The following GLIS1 variants were observed in gnomAD, a reference collection of about 807,000 sequenced individuals.
GLIS1 encodes GLIS family zinc finger 1.
In GLIS1, 24 loss-of-function variants were observed where a neutral mutation model predicts 63.8. That is an observed-to-expected ratio of 0.38 (90% CI 0.27 to 0.53). GLIS1 has a LOEUF of 0.53. GLIS1 is among the 20% of genes least tolerant of loss of function. The pLI, the probability that GLIS1 is intolerant of heterozygous loss-of-function variation, is 0.85. For missense variants in GLIS1, 1,036 were observed against 1,074.1 expected, an observed-to-expected ratio of 0.96 and a Z score of 0.50; for synonymous variants, 450 against 482.5, an observed-to-expected ratio of 0.93 and a Z score of 0.88.
At chr1:53,524,680 G>C (rs943544060) in intron 6 of GLIS1, 97 bp downstream of exon 6, 41 of 808,584 alleles carry the variant, frequency 5.1e-5, no homozygotes, top group Non-Finnish European at 7.9e-5. Flanking sequence ...CAGGGCGAGT[G>C]GGTGGGCAGA....
chr1:53,616,725 AGACACCCTG>A (rs1001091372), intron 2 of GLIS1, among the ~76,000 whole-genome samples: 8 of 152,126 alleles, frequency 5.3e-5, no homozygotes, highest in Non-Finnish European at 1.0e-4. Flanking sequence ...GGGACAATGC[AGACACCCTG>A]GACACCTCAG....
intron 2 of GLIS1, among the ~76,000 whole-genome samples, chr1:53,627,954 ACT>A (rs1645613069): frequency 6.6e-6 from 1 of 152,098 alleles, no homozygotes; most frequent in Non-Finnish European, 1.5e-5. Context: ...GTGTCTCTTG[ACT>A]CTAAAGCCCT....
intron 2 of GLIS1, among the ~76,000 whole-genome samples, chr1:53,717,949 A>G (rs909884604): frequency 6.6e-6 from 1 of 152,186 alleles, no homozygotes; most frequent in African/African-American, 2.4e-5. Context: ...CATGCGAAGC[A>G]TCCACCCCAG....
chr1:53,662,322 C>T (rs965912856), intron 2 of GLIS1, among the ~76,000 whole-genome samples: 3 of 152,166 alleles, frequency 2.0e-5, no homozygotes, highest in Admixed American at 1.3e-4. Flanking sequence ...AGAGTGGGCC[C>T]CCGCAGGACC....
chr1:53,615,950 G>A (rs1557482876), intron 2 of GLIS1, among the ~76,000 whole-genome samples: 2 of 152,072 alleles, frequency 1.3e-5, no homozygotes. Flanking sequence ...GTTTCAACAT[G>A]TTGCCCAGGC....
chr1:53,692,654 G>A (rs1004398624), intron 2 of GLIS1, among the ~76,000 whole-genome samples: 1 of 152,186 alleles, frequency 6.6e-6, no homozygotes, highest in African/African-American at 2.4e-5. Context: ...GAGGGTGTGG[G>A]CTCTAGCCTG....
chr1:53,508,790 T>C (rs984837480), intron 10 of GLIS1, among the ~76,000 whole-genome samples: 2 of 152,224 alleles, frequency 1.3e-5, no homozygotes, highest in African/African-American at 4.8e-5. Flanking sequence ...TCTGCAGCTA[T>C]GCCTGGCACA....
chr1:53,738,204 T>C lies in GLIS1; in HGVS notation c.-42-98A>G, dbSNP rs919817469. On this transcript the variant is annotated intron_variant, in intron 1 of 10. Transcript: ENST00000628545. ...AGCAGGTCACTGCCCCTTCGGTGGA[T>C]TGCGCGTCTTTAACATAGGTTAGCA... 5 of 660,360 alleles carry C rather than the reference T, an allele frequency of 7.6e-6. No individual in the cohort carries two copies. The Admixed American group carries it at 1.3e-4, about 17-fold the overall frequency. 40.9% of individuals were successfully genotyped at this position (660,360 alleles called of 1,614,324 possible).
chr1:53,506,518 TG>T lies in GLIS1; in HGVS notation c.*100del. The T allele has an allele frequency of 7.8e-7, 1 of 1,276,030 alleles. No individual in the cohort carries two copies. The highest frequency in any genetic ancestry group is 1.3e-5 in the South Asian group (1 of 74,786). The allele number at this position is 1,276,030 out of a possible 1,614,324, so 79.0% of individuals were successfully genotyped here. Reference sequence around the variant, plus strand: ...GGTCATGGCCTGGCTGTTCCGGCTGTGGCCTGGCACTCCTGCTAGGTGCACG... The same window carrying T: ...GGTCATGGCCTGGCTGTTCCGGCTGTGCCTGGCACTCCTGCTAGGTGCACG... On this transcript the variant is annotated 3_prime_UTR_variant, in exon 11 of 11. Coordinates refer to ENST00000628545, the MANE Select transcript of GLIS1 (RefSeq NM_001367484.1).
chr1:53,708,247 C>T (rs950534679), intron 2 of GLIS1, among the ~76,000 whole-genome samples: 3 of 151,920 alleles, frequency 2.0e-5, no homozygotes, highest in South Asian at 4.2e-4. Flanking sequence ...CGCATCACTG[C>T]ACTCCAGCCT....
intron 2 of GLIS1, among the ~76,000 whole-genome samples, chr1:53,709,365 CATAT>C (rs10594619): frequency 1.2e-3 from 15 of 12,500 alleles, no homozygotes; most frequent in African/African-American, 1.6e-3. Context: ...TATACATATA[CATAT>C]ATATATACAT....
chr1:53,722,411 TCA>T (rs1214445323), intron 2 of GLIS1, among the ~76,000 whole-genome samples: 1 of 152,202 alleles, frequency 6.6e-6, no homozygotes, highest in East Asian at 1.9e-4. Context: ...TTGTTTGTAT[TCA>T]CATAAACTAT....
In GLIS1 at chr1:53,678,784, G is replaced by T. The variant is rs940172410; in HGVS notation, c.259+59022C>A. ...AAGAGTGAGGCCTCAGCCTGGGGAA[G>T]GGGGAAAGGTCTCTGACCTCAGTCT... is the stretch of plus-strand genomic sequence containing the variant. On this transcript the variant is annotated intron_variant, in intron 2 of 10. Coordinates refer to ENST00000628545, the MANE Select transcript of GLIS1 (RefSeq NM_001367484.1). Among the ~76,000 whole-genome samples, 6 of 152,206 alleles carry T rather than the reference G, an allele frequency of 3.9e-5. 1 individual carries two copies. The highest frequency in any genetic ancestry group is 6.5e-5 in the Admixed American group (1 of 15,286).
At chr1:53,691,620 G>A (rs987393970) in intron 2 of GLIS1, among the ~76,000 whole-genome samples, 12 of 151,972 alleles carry the variant, frequency 7.9e-5, no homozygotes. Context: ...GCCTCGCCTG[G>A]AGCTTCCACA....
intron 4 of GLIS1, among the ~76,000 whole-genome samples, chr1:53,571,768 C>T (rs1569848027): frequency 2.6e-5 from 4 of 151,740 alleles, no homozygotes; most frequent in South Asian, 4.2e-4. Flanking sequence ...TTAGTACAGA[C>T]GGGGTTTCAC....
chr1:53,576,990 G>A (rs1645038216), intron 4 of GLIS1, among the ~76,000 whole-genome samples: 5 of 151,772 alleles, frequency 3.3e-5, no homozygotes, highest in Admixed American at 2.6e-4. Flanking sequence ...TGGCTCCACT[G>A]CTCACCCCAC....
Position 53,614,188 on chromosome 1 carries a change from A to G in GLIS1, c.260-13910T>C, listed in dbSNP as rs1397796238. ...AAGTCTCTACTCTTATGCGGTTTACATTCCAATAACAGGACAGTTTCAAAA... is the reference window on the plus strand; with the variant it reads ...AAGTCTCTACTCTTATGCGGTTTACGTTCCAATAACAGGACAGTTTCAAAA... On this transcript the variant is annotated intron_variant, in intron 2 of 10. Coordinates refer to ENST00000628545, the MANE Select transcript of GLIS1 (RefSeq NM_001367484.1). Among the ~76,000 whole-genome samples the G allele has an allele frequency of 2.0e-5, 3 of 152,258 alleles. No homozygotes were observed. The East Asian group carries it at 5.8e-4, about 29-fold the overall frequency.
chr1:53,552,897 T>C (rs1331924786), intron 4 of GLIS1, among the ~76,000 whole-genome samples: 2 of 152,224 alleles, frequency 1.3e-5, no homozygotes, highest in Non-Finnish European at 2.9e-5. Flanking sequence ...CATTTAAACA[T>C]TTAGCAACCC....
At chr1:53,530,433 G>C (rs1422909773) in intron 4 of GLIS1, among the ~76,000 whole-genome samples, 1 of 152,198 alleles carries the variant, frequency 6.6e-6, no homozygotes, top group Non-Finnish European at 1.5e-5. Flanking sequence ...GCTTGAGACT[G>C]TGTGGCCACC....
Sources: allele counts gnomAD v4.1 joint callset (sites outside exome capture counted in the v4.1 genomes callset), GRCh38; gene constraint gnomAD v4.1.1; transcripts MANE v1.5; gene names NCBI Gene and HGNC (gene_info 2026-07-23, HGNC 2026-07-21).